Variants in PTPRS observed in about 807,000 individuals in gnomAD.
PTPRS encodes the protein protein tyrosine phosphatase receptor type S, also known as receptor-type tyrosine-protein phosphatase S.
PTPRS carries 63 observed loss-of-function variants against 215.3 expected under a neutral mutation model. The ratio of observed to expected loss-of-function variants is 0.29; its 90% CI spans 0.24 to 0.36. The LOEUF is 0.36. Ranked by LOEUF, PTPRS falls within the 10% of genes least tolerant of loss-of-function variation. The pLI is 1.00. For synonymous variants in PTPRS, 1,404 were observed against 1,191.4 expected, an observed-to-expected ratio of 1.18 and a Z score of -3.68; for missense variants, 2,258 against 2,825.8, an observed-to-expected ratio of 0.80 and a Z score of 4.56.
At chr19:5,310,901 T>G (rs2049681120) in intron 1 of PTPRS, among the ~76,000 whole-genome samples, 1 of 152,056 alleles carries the variant, frequency 6.6e-6, no homozygotes, top group African/African-American at 2.4e-5. Context: ...TTATTATTAT[T>G]ATGAAACCAA....
intron 10 of PTPRS, among the ~76,000 whole-genome samples, chr19:5,245,398 C>G (rs1325771377): frequency 6.6e-6 from 1 of 152,182 alleles, no homozygotes; most frequent in Non-Finnish European, 1.5e-5. Flanking sequence ...AAGCAGTCCT[C>G]CTGCCTCAGC....
At chr19:5,336,017 G>GAA (rs59078850) in intron 1 of PTPRS, among the ~76,000 whole-genome samples, 2 of 139,810 alleles carry the variant, frequency 1.4e-5, no homozygotes, top group Non-Finnish European at 3.1e-5. Context: ...GGAGGAGGAG[G>GAA]AAAAAAAAAA....
At chr19:5,272,313 T>A (rs1469325403) in intron 4 of PTPRS, among the ~76,000 whole-genome samples, 1 of 151,976 alleles carries the variant, frequency 6.6e-6, no homozygotes, top group Non-Finnish European at 1.5e-5. Context: ...AGAAATGCAT[T>A]TAGGCTGCAT....
At chr19:5,215,654 G>A (rs372639110) in intron 26 of PTPRS, 59 bp from the exon 27 acceptor site, 14 of 1,179,020 alleles carry the variant, frequency 1.2e-5, no homozygotes, top group Middle Eastern at 2.9e-4. Context: ...CCGGGGACTC[G>A]GGGGAGGGGG....
chr19:5,274,839 G>T (rs1425854093), intron 2 of PTPRS, among the ~76,000 whole-genome samples: 1 of 152,174 alleles, frequency 6.6e-6, no homozygotes, highest in African/African-American at 2.4e-5. Context: ...GGGAAACTGA[G>T]GCACCCAGCA....
intron 1 of PTPRS, among the ~76,000 whole-genome samples, chr19:5,288,009 C>A (rs973787715): frequency 2.4e-5 from 3 of 127,314 alleles, no homozygotes; most frequent in East Asian, 2.3e-4. Flanking sequence ...CACACACACA[C>A]AATCAGGCAA....
At chr19:5,260,180 CTTTTTTT>C (rs1169287515) in intron 7 of PTPRS, among the ~76,000 whole-genome samples, 1 of 135,900 alleles carries the variant, frequency 7.4e-6, no homozygotes. Context: ...CGTTTTGTTT[CTTTTTTT>C]TTTTTTTTTT....
intron 4 of PTPRS, among the ~76,000 whole-genome samples, chr19:5,266,479 G>A (rs140354657): frequency 7.9e-5 from 12 of 151,890 alleles, no homozygotes; most frequent in African/African-American, 2.7e-4. Context: ...TTGAGATGGA[G>A]TCTCACTCGT....
chr19:5,279,530 T>C (rs975841522), intron 2 of PTPRS, among the ~76,000 whole-genome samples: 1 of 151,672 alleles, frequency 6.6e-6, no homozygotes, highest in Non-Finnish European at 1.5e-5. Flanking sequence ...TGCTACCACA[T>C]GCGGCTAATT....
intron 4 of PTPRS, among the ~76,000 whole-genome samples, chr19:5,267,943 G>A (rs1432310989): frequency 6.6e-6 from 1 of 152,098 alleles, no homozygotes; most frequent in East Asian, 1.9e-4. Context: ...GCCGAGGCAG[G>A]TGGATCACGA....
chr19:5,245,761 A>G lies in PTPRS; in HGVS notation c.988+15T>C, dbSNP rs780983060. 88 of 1,564,210 alleles carry G rather than the reference A, an allele frequency of 5.6e-5. No individual in the cohort carries two copies. The highest frequency in any genetic ancestry group is 6.8e-5 in the African/African-American group (5 of 73,910). On this transcript the variant is annotated intron_variant, in intron 10 of 37. Transcript: ENST00000262963. ...GCCTGCCCCTCCACCTACGAGCCCC[A>G]TGGGCCCTGCTCACATTTCACCGTG...
At chr19:5,291,581 A>G (rs2048821460) in intron 1 of PTPRS, among the ~76,000 whole-genome samples, 1 of 152,026 alleles carries the variant, frequency 6.6e-6, no homozygotes, top group Non-Finnish European at 1.5e-5. Flanking sequence ...GACTGCATCC[A>G]TCGTCTTCCC....
intron 25 of PTPRS, among the ~76,000 whole-genome samples, chr19:5,217,003 T>G (rs2041537860): frequency 6.6e-6 from 1 of 152,206 alleles, no homozygotes; most frequent in Non-Finnish European, 1.5e-5. Context: ...CTGGAAGGAC[T>G]CCAAAGTGCT....
At chr19:5,215,919 G>T (rs1475886782) in intron 26 of PTPRS, among the ~76,000 whole-genome samples, 3 of 152,170 alleles carry the variant, frequency 2.0e-5, no homozygotes, top group African/African-American at 4.8e-5. Context: ...TGGCAGAAGG[G>T]TCACCCCAGA....
rs370343222 is a variant in PTPRS, at chr19:5,218,791, C to T, written c.3931G>A (p.Asp1311Asn). Residue 1311 changes from aspartate (D) to asparagine (N), a missense_variant, in exon 24 of 38, where the codon GAC (aspartate) becomes AAC (asparagine). Asp to Asn is a conservative substitution (Grantham distance 23). Coordinates refer to ENST00000262963, the MANE Select transcript of PTPRS (RefSeq NM_002850.4). ...CGGGGGAGGGCTGGTTCTTACCTGT[C>T]GGGTTTGCTGTTCCCGAAAGCAGAC... ...IAILLYKNKP[D>N]SKRKDSEPRT... is the part of the protein sequence containing the mutation. 166 of 1,606,940 alleles carry T rather than the reference C, an allele frequency of 1.0e-4. 1 individual carries two copies. Among genetic ancestry groups the T allele is most frequent in the Non-Finnish European group, 1.2e-4 (146 of 1,177,682 alleles).
intron 11 of PTPRS, among the ~76,000 whole-genome samples, chr19:5,243,121 C>A (rs2044184533): frequency 6.6e-6 from 1 of 150,742 alleles, no homozygotes; most frequent in African/African-American, 2.4e-5. Context: ...GCCTGGCTAG[C>A]TCTCTTTTTT....
intron 9 of PTPRS, among the ~76,000 whole-genome samples, chr19:5,249,266 G>A (rs11878889): frequency 0.022 from 3,335 of 152,278 alleles, 140 homozygotes; most frequent in African/African-American, 0.076. Flanking sequence ...AACTGAGATC[G>A]TGCCACCGCA....
chr19:5,317,562 G>A (rs770322813), intron 1 of PTPRS, among the ~76,000 whole-genome samples: 2 of 152,188 alleles, frequency 1.3e-5, no homozygotes, highest in African/African-American at 2.4e-5. Flanking sequence ...AAGAGGTGAC[G>A]GCAGGATTTG....
intron 1 of PTPRS, among the ~76,000 whole-genome samples, chr19:5,307,826 C>A (rs187490142): frequency 5.9e-5 from 9 of 152,286 alleles, no homozygotes; most frequent in Non-Finnish European, 1.3e-4. Flanking sequence ...ATATCGGGGG[C>A]CAAATCCGGC....
Sources: allele counts gnomAD v4.1 joint callset (sites outside exome capture counted in the v4.1 genomes callset), GRCh38; gene constraint gnomAD v4.1.1; transcripts MANE v1.5; gene names NCBI Gene and HGNC (gene_info 2026-07-23, HGNC 2026-07-21).